The following GNB4 variants were observed in gnomAD, a reference collection of about 807,000 sequenced individuals.
GNB4 encodes guanine nucleotide-binding protein subunit beta-4.
GNB4 carries 28 observed loss-of-function variants against 45.2 expected under a neutral mutation model. That is an observed-to-expected ratio of 0.62 (90% CI 0.46 to 0.85). The LOEUF is 0.85. Among genes scored for constraint, GNB4 ranks in the 40% least tolerant of loss-of-function variants. The pLI, the probability that GNB4 is intolerant of heterozygous loss-of-function variation, is 0.00. For synonymous variants in GNB4, 132 were observed against 143.7 expected, an observed-to-expected ratio of 0.92 and a Z score of 0.58; for missense variants, 321 against 425.4, an observed-to-expected ratio of 0.75 and a Z score of 2.16.
At chr3:179,464,417 C>T in the GNB4 span, 7 of 1,416,946 alleles carry the variant, frequency 4.9e-6, no homozygotes, top group South Asian at 1.2e-5. Flanking sequence ...GCTCCCTCTG[C>T]CCTCGCCCCT....
At chr3:179,527,786 A>ATGTG in the GNB4 span, among the ~76,000 whole-genome samples, 4,586 of 124,868 alleles carry the variant, frequency 0.037, 97 homozygotes, top group African/African-American at 0.057. Flanking sequence ...GCGTGTGTGT[A>ATGTG]TGTATGTGTG....
At position 179,451,449 on chromosome 3, in the gene GNB4, C is replaced by G. The variant is rs920091759; in HGVS notation, c.-146G>C. On this transcript the variant is annotated 5_prime_UTR_variant, in exon 1 of 10. Coordinates refer to ENST00000232564, the MANE Select transcript of GNB4 (RefSeq NM_021629.4). ...CGGCGTGGAGAGCGCAGCTCACAGC[C>G]GAGACCAGAGCCGCCGGCCACACCC... The G allele has an allele frequency of 1.3e-5, 2 of 151,034 alleles. No homozygotes were observed. Among genetic ancestry groups the G allele is most frequent in the African/African-American group, 2.4e-5 (1 of 41,304 alleles). 9.4% of individuals were successfully genotyped at this position (151,034 alleles called of 1,614,324 possible).
the GNB4 span, among the ~76,000 whole-genome samples, chr3:179,515,641 C>T: frequency 0.41 from 62,609 of 152,012 alleles, 14,009 homozygotes; most frequent in Admixed American, 0.49. Flanking sequence ...TGGATGTATA[C>T]ATGCAGGTCA....
At chr3:179,458,155 G>A in the GNB4 span, among the ~76,000 whole-genome samples, 2 of 152,026 alleles carry the variant, frequency 1.3e-5, no homozygotes, top group Non-Finnish European at 2.9e-5. Context: ...CACCCGCCTC[G>A]GTCTCCCAAA....
At chr3:179,508,930 G>GTATATATATATAAATATATATA in the GNB4 span, among the ~76,000 whole-genome samples, 1 of 47,126 alleles carries the variant, frequency 2.1e-5, no homozygotes, top group South Asian at 8.7e-4. Flanking sequence ...CTTTCAGCAT[G>GTATATATATATAAATATATATA]TGTATATATA....
chr3:179,411,166 C>G (rs1459550971), intron 8 of GNB4, among the ~76,000 whole-genome samples: 1 of 152,004 alleles, frequency 6.6e-6, no homozygotes. Flanking sequence ...AGAGGCCCCA[C>G]AAATATAGAG....
the GNB4 span, among the ~76,000 whole-genome samples, chr3:179,471,947 A>G: frequency 6.6e-6 from 1 of 152,218 alleles, no homozygotes; most frequent in African/African-American, 2.4e-5. Context: ...CACAATGATT[A>G]ATGAATGAAA....
chr3:179,461,451 T>A, the GNB4 span, among the ~76,000 whole-genome samples: 11 of 150,254 alleles, frequency 7.3e-5, no homozygotes, highest in Admixed American at 6.0e-4. Flanking sequence ...GAGCCGAGAT[T>A]GCGCCACTGC....
At chr3:179,457,496 C>T in the GNB4 span, among the ~76,000 whole-genome samples, 2 of 152,126 alleles carry the variant, frequency 1.3e-5, no homozygotes, top group Non-Finnish European at 2.9e-5. Context: ...TGGGGTCTCA[C>T]TCATTTCTTA....
chr3:179,468,504 A>C, the GNB4 span, among the ~76,000 whole-genome samples: 29 of 150,686 alleles, frequency 1.9e-4, no homozygotes, highest in Middle Eastern at 0.01. Flanking sequence ...TCAAGAAAAA[A>C]AAAAAACAAA....
At chr3:179,513,142 AT>A in the GNB4 span, among the ~76,000 whole-genome samples, 30 of 149,826 alleles carry the variant, frequency 2.0e-4, no homozygotes, top group African/African-American at 7.3e-4. Flanking sequence ...TATACTTAAA[AT>A]TTTTTCAATA....
the GNB4 span, among the ~76,000 whole-genome samples, chr3:179,484,647 T>C: frequency 2.0e-5 from 3 of 152,234 alleles, no homozygotes; most frequent in East Asian, 1.9e-4. Context: ...TGTTTTTAAA[T>C]GGCCCTTAGG....
At chr3:179,436,339 G>A (rs1715448493) in intron 1 of GNB4, among the ~76,000 whole-genome samples, 3 of 152,124 alleles carry the variant, frequency 2.0e-5, no homozygotes, top group Non-Finnish European at 4.4e-5. Flanking sequence ...GCGGTGAGCC[G>A]AGATCATGCC....
At chr3:179,403,472 C>CA (rs1412354451) in intron 9 of GNB4, among the ~76,000 whole-genome samples, 1 of 151,826 alleles carries the variant, frequency 6.6e-6, no homozygotes, top group African/African-American at 2.4e-5. Flanking sequence ...GAAGATAAAG[C>CA]AAAAAAGATG....
chr3:179,432,679 A>G (rs908407506), intron 1 of GNB4, among the ~76,000 whole-genome samples: 7 of 152,226 alleles, frequency 4.6e-5, no homozygotes, highest in African/African-American at 1.7e-4. Context: ...AAACAATACT[A>G]TTACATCAGG....
At chr3:179,507,702 G>A in the GNB4 span, among the ~76,000 whole-genome samples, 1 of 152,024 alleles carries the variant, frequency 6.6e-6, no homozygotes, top group Non-Finnish European at 1.5e-5. Context: ...TTACCTCCTC[G>A]GTGAAGTCCC....
the GNB4 span, among the ~76,000 whole-genome samples, chr3:179,513,323 A>G: frequency 1.3e-5 from 2 of 151,496 alleles, no homozygotes; most frequent in African/African-American, 4.9e-5. Context: ...AGCCAGGACT[A>G]CAGATGTGTG....
intron 1 of GNB4, among the ~76,000 whole-genome samples, chr3:179,441,560 C>G (rs1179022416): frequency 6.6e-6 from 1 of 151,908 alleles, no homozygotes; most frequent in African/African-American, 2.4e-5. Flanking sequence ...ATGGTGAAAC[C>G]CTGTGTTTAC....
intron 1 of GNB4, among the ~76,000 whole-genome samples, chr3:179,438,944 C>T (rs1338937162): frequency 6.6e-6 from 1 of 152,190 alleles, no homozygotes; most frequent in East Asian, 1.9e-4. Flanking sequence ...CTTGACTCTT[C>T]AAGTGTGTAA....
Sources: gnomAD v4.1 joint callset for allele counts (sites outside exome capture counted in the v4.1 genomes callset) on GRCh38, gnomAD v4.1.1 for gene constraint, MANE v1.5 for transcripts, NCBI Gene and HGNC (gene_info 2026-07-23, HGNC 2026-07-21) for gene names.